LRMDA: variants seen among roughly 807,000 people sequenced by gnomAD.
The protein encoded by LRMDA is leucine rich melanocyte differentiation associated, also known as leucine-rich melanocyte differentiation-associated protein.
Under a neutral mutation model 29.8 loss-of-function variants are expected in LRMDA, and 18 were observed. That is an observed-to-expected ratio of 0.60 (90% confidence interval 0.42 to 0.90). The LOEUF is 0.90. Ranked by LOEUF, LRMDA falls within the 40% of genes least tolerant of loss-of-function variation. The probability of loss-of-function intolerance (pLI) is 0.00; values close to 1 mark genes in which losing one functional copy is unlikely to be tolerated. For synonymous variants in LRMDA, 125 were observed against 109.4 expected (o/e 1.14, Z -0.89); for missense variants, 273 against 273.9 (o/e 1.00, Z 0.02).
In LRMDA at chr10:75,811,767, G is replaced by T. The variant is rs547373054; in HGVS notation, c.132-224241G>T. Reference sequence around the variant, plus strand: ...CATCTAGTCAGTGGTCCCTCCTTGGGCCTGGAACACACGGCAAATCCACTT... The same window carrying T: ...CATCTAGTCAGTGGTCCCTCCTTGGTCCTGGAACACACGGCAAATCCACTT... On this transcript the variant is annotated intron_variant, in intron 2 of 6. Transcript: ENST00000611255. Among the ~76,000 whole-genome samples, 16 of 152,244 alleles carry T rather than the reference G, an allele frequency of 1.1e-4. No homozygotes were observed. In the East Asian group the frequency reaches 2.9e-3, roughly 28 times the overall value.
chr10:75,876,641 A>T, intron 2 of LRMDA, among the ~76,000 whole-genome samples: 1 of 152,092 alleles, frequency 6.6e-6, no homozygotes, highest in East Asian at 1.9e-4. Flanking sequence ...CATTTTGATA[A>T]TCTCCCAGGG....
At chr10:75,991,325 G>A (rs1054808845) in intron 2 of LRMDA, among the ~76,000 whole-genome samples, 2 of 152,136 alleles carry the variant, frequency 1.3e-5, no homozygotes, top group Non-Finnish European at 2.9e-5. Flanking sequence ...AAAATGCATT[G>A]AGTACCTCTT....
intron 2 of LRMDA, among the ~76,000 whole-genome samples, chr10:75,980,075 C>A (rs1010391165): frequency 6.6e-5 from 10 of 152,214 alleles, no homozygotes; most frequent in Non-Finnish European, 8.8e-5. Context: ...CAGATACCCA[C>A]TGTCCTCACA....
intron 2 of LRMDA, among the ~76,000 whole-genome samples, chr10:75,500,697 G>A (rs1176036969): frequency 2.0e-5 from 3 of 152,158 alleles, no homozygotes; most frequent in African/African-American, 7.2e-5. Context: ...AGGGGAAGCA[G>A]GCACGTTTTA....
chr10:76,061,808 T>C (rs1010720438), intron 5 of LRMDA, among the ~76,000 whole-genome samples: 1 of 152,190 alleles, frequency 6.6e-6, no homozygotes, highest in Non-Finnish European at 1.5e-5. Context: ...TCTTCTGTGT[T>C]CTTGGTTTCA....
At chr10:76,065,730 C>G (rs1848773553) in intron 5 of LRMDA, among the ~76,000 whole-genome samples, 1 of 152,240 alleles carries the variant, frequency 6.6e-6, no homozygotes. Flanking sequence ...AAAACCATTC[C>G]TTTCTCTCTG....
intron 2 of LRMDA, among the ~76,000 whole-genome samples, chr10:75,474,947 G>C (rs555770184): frequency 6.6e-6 from 1 of 152,294 alleles, no homozygotes; most frequent in East Asian, 1.9e-4. Context: ...GGCCGGTGTT[G>C]CTGTATTTCA....
At position 76,357,356 on chromosome 10, in the gene LRMDA, A is replaced by G. The variant is rs186987520; in HGVS notation, c.601+32871A>G. On this transcript the variant is annotated intron_variant, in intron 6 of 6. Transcript: ENST00000611255. ...GAGAAAGTATTACAGGGTTTCCATA[A>G]ACCACGGAGTTCAGGTTGGCAGCAT... Among the ~76,000 whole-genome samples, 729 of 152,310 alleles carry G rather than the reference A, an allele frequency of 4.8e-3. 7 individuals carry two copies. Among genetic ancestry groups the G allele is most frequent in the Middle Eastern group, 0.031 (9 of 294 alleles).
chr10:76,128,116 C>T (rs944337482), intron 5 of LRMDA, among the ~76,000 whole-genome samples: 2 of 152,192 alleles, frequency 1.3e-5, no homozygotes, highest in Non-Finnish European at 2.9e-5. Context: ...TCTCCAATAA[C>T]TTGCCTGGAT....
intron 2 of LRMDA, chr10:75,601,427 A>G (rs1345161012): frequency 6.6e-6 from 1 of 152,242 alleles, no homozygotes; most frequent in Non-Finnish European, 1.5e-5. Context: ...GGTTCAGAAC[A>G]ATCCAATTCT....
At chr10:76,295,308 A>C (rs1246211647) in intron 5 of LRMDA, among the ~76,000 whole-genome samples, 1 of 152,244 alleles carries the variant, frequency 6.6e-6, no homozygotes, top group Non-Finnish European at 1.5e-5. Context: ...AAGGCATTGT[A>C]GAAGAGATGT....
In LRMDA at chr10:76,043,574, A is replaced by G. The variant is rs1469741664; in HGVS notation, c.259-3590A>G. On this transcript the variant is annotated intron_variant, in intron 3 of 6. Transcript: ENST00000611255. ...AATTAAAAAAAAAAAAAATCACATGATCATGTGACTCTATTACCAGGGTCT... is the reference window on the plus strand; with the variant it reads ...AATTAAAAAAAAAAAAAATCACATGGTCATGTGACTCTATTACCAGGGTCT... Among the ~76,000 whole-genome samples the G allele has an allele frequency of 2.0e-5, 3 of 151,944 alleles. No homozygotes were observed. The East Asian group carries it at 5.8e-4, about 29-fold the overall frequency.
chr10:76,109,231 G>C (rs539995793), intron 5 of LRMDA, among the ~76,000 whole-genome samples: 7 of 152,260 alleles, frequency 4.6e-5, no homozygotes, highest in African/African-American at 1.7e-4. Flanking sequence ...GCGCAAGAAA[G>C]ATGTTTGATG....
intron 5 of LRMDA, among the ~76,000 whole-genome samples, chr10:76,136,720 T>A (rs1850102521): frequency 1.3e-5 from 2 of 152,348 alleles, no homozygotes; most frequent in East Asian, 3.9e-4. Context: ...AGATGAGCAC[T>A]TTTTGTTCTT....
In LRMDA at chr10:76,060,432, C is replaced by G. The variant is rs2132056790; in HGVS notation, c.516+1649C>G. 1.3e-5 allele frequency among the ~76,000 whole-genome samples: 2 copies of G among 152,308 alleles called. 1 individual carries two copies. The highest frequency in any genetic ancestry group is 4.1e-4 in the South Asian group (2 of 4,820). ...CAGATCTACAAGTGTTCACATCATC[C>G]TCTAAAGTAGAAGGAAGGGGTCACT... is the stretch of plus-strand genomic sequence containing the variant. On this transcript the variant is annotated intron_variant, in intron 5 of 6. Transcript: ENST00000611255.
At position 75,859,484 on chromosome 10, in the gene LRMDA, C is replaced by T. The variant is rs537476460; in HGVS notation, c.132-176524C>T. On this transcript the variant is annotated intron_variant, in intron 2 of 6. Coordinates refer to ENST00000611255, the MANE Select transcript of LRMDA (RefSeq NM_001305581.2). ...CTGCCAAATTTGAAAAATAATTTCACATATGTATTGTCTTTTTTGTTGTGA... is the reference window on the plus strand; with the variant it reads ...CTGCCAAATTTGAAAAATAATTTCATATATGTATTGTCTTTTTTGTTGTGA... 9.9e-5 allele frequency among the ~76,000 whole-genome samples: 15 copies of T among 152,232 alleles called. No homozygotes were observed. In the South Asian group the frequency reaches 3.1e-3, roughly 32 times the overall value.
chr10:76,160,418 A>G (rs1026492753), intron 5 of LRMDA, among the ~76,000 whole-genome samples: 3 of 152,016 alleles, frequency 2.0e-5, no homozygotes, highest in Admixed American at 6.6e-5. Context: ...TTTTTTAGGT[A>G]TGACAATTGT....
intron 5 of LRMDA, among the ~76,000 whole-genome samples, chr10:76,121,460 T>C (rs7908162): frequency 0.066 from 10,037 of 152,222 alleles, 1,089 homozygotes; most frequent in African/African-American, 0.23. Flanking sequence ...AATCCACAAT[T>C]GTCTGTCATC....
Position 76,557,509 on chromosome 10 carries a change from T to C in LRMDA, c.*221T>C. The C allele has an allele frequency of 1.7e-6, 1 of 581,292 alleles. No homozygotes were observed. The highest frequency in any genetic ancestry group is 2.8e-5 in the East Asian group (1 of 35,090). The allele number at this position is 581,292 out of a possible 1,614,324, so 36.0% of individuals were successfully genotyped here. A position where few individuals can be genotyped will look rare whatever the true frequency, so the allele number is the denominator to read the frequency against. ...CACATAGAGATTGACATGATTGCCC[T>C]TAAGCAGGTCTCATCCACCAGGGTG... is the stretch of plus-strand genomic sequence containing the variant. On this transcript the variant is annotated 3_prime_UTR_variant, in exon 7 of 7. Transcript: ENST00000611255.
Sources: allele counts gnomAD v4.1 joint callset (sites outside exome capture counted in the v4.1 genomes callset), GRCh38; gene constraint gnomAD v4.1.1; transcripts MANE v1.5; gene names NCBI Gene and HGNC (gene_info 2026-07-23, HGNC 2026-07-21).